KIAA1217: variants seen among roughly 807,000 people sequenced by gnomAD.
KIAA1217 encodes the protein KIAA1217, also known as sickle tail protein homolog.
Under a neutral mutation model 163.9 loss-of-function variants are expected in KIAA1217, and 88 were observed. The observed-to-expected ratio is 0.54, with a 90% CI of 0.45 to 0.64. The LOEUF is 0.64. Ranked by LOEUF, KIAA1217 falls within the 30% of genes least tolerant of loss-of-function variation. The pLI is 0.00. For missense variants in KIAA1217, 2,372 were observed against 2,475.0 expected, an observed-to-expected ratio of 0.96 and a Z score of 0.88; for synonymous variants, 903 against 923.1, an observed-to-expected ratio of 0.98 and a Z score of 0.39.
chr10:23,959,911 CTTTTTTTTTTT>C (rs1326171008), intron 1 of KIAA1217, among the ~76,000 whole-genome samples: 1 of 106,266 alleles, frequency 9.4e-6, no homozygotes, highest in Admixed American at 1.0e-4. Context: ...TCATAGACTT[CTTTTTTTTTTT>C]TTTTTTTTTT....
intron 1 of KIAA1217, among the ~76,000 whole-genome samples, chr10:23,943,136 A>G (rs1843856276): frequency 6.6e-6 from 1 of 152,138 alleles, no homozygotes; most frequent in African/African-American, 2.4e-5. Flanking sequence ...AATTTAAAAA[A>G]AAGAAAATTC....
intron 3 of KIAA1217, among the ~76,000 whole-genome samples, chr10:24,426,579 C>A (rs911243605): frequency 6.6e-6 from 1 of 151,912 alleles, no homozygotes; most frequent in Non-Finnish European, 1.5e-5. Flanking sequence ...GAGCCGAGAT[C>A]GCACCATTGC....
At chr10:23,978,546 T>C (rs1845635155) in intron 1 of KIAA1217, among the ~76,000 whole-genome samples, 5 of 152,288 alleles carry the variant, frequency 3.3e-5, no homozygotes, top group African/African-American at 1.2e-4. Context: ...GGCCCTTTCC[T>C]GTCAGTTTCT....
intron 2 of KIAA1217, among the ~76,000 whole-genome samples, chr10:24,229,742 C>T (rs2071106812): frequency 6.6e-6 from 1 of 152,176 alleles, no homozygotes; most frequent in African/African-American, 2.4e-5. Flanking sequence ...TGGTCTCAAA[C>T]TCCTGACCTT....
At chr10:24,023,466 A>G (rs554118517) in intron 2 of KIAA1217, among the ~76,000 whole-genome samples, 1 of 151,788 alleles carries the variant, frequency 6.6e-6, no homozygotes, top group South Asian at 2.1e-4. Context: ...TCAACCAAAC[A>G]TGGATAGAAA....
intron 1 of KIAA1217, among the ~76,000 whole-genome samples, chr10:23,992,063 C>T (rs575101219): frequency 6.6e-6 from 1 of 152,246 alleles, no homozygotes; most frequent in East Asian, 1.9e-4. Context: ...ATTTTATGGG[C>T]TCTCTTCTGG....
intron 1 of KIAA1217, among the ~76,000 whole-genome samples, chr10:23,843,069 A>G (rs1288611118): frequency 6.6e-6 from 1 of 152,178 alleles, no homozygotes; most frequent in African/African-American, 2.4e-5. Context: ...GTGAAGTGGA[A>G]TCACTTCTCA....
At chr10:23,860,358 T>G (rs1190901014) in intron 1 of KIAA1217, among the ~76,000 whole-genome samples, 4 of 151,988 alleles carry the variant, frequency 2.6e-5, no homozygotes, top group Non-Finnish European at 5.9e-5. Context: ...CTAACCTACT[T>G]GGAAACTATT....
At chr10:24,306,851 G>T (rs2042058358) in intron 2 of KIAA1217, among the ~76,000 whole-genome samples, 1 of 152,164 alleles carries the variant, frequency 6.6e-6, no homozygotes, top group South Asian at 2.1e-4. Context: ...CTTAGTATCT[G>T]CTCCTCCTCT....
At chr10:24,177,361 G>GTGTA (rs140769319) in intron 2 of KIAA1217, among the ~76,000 whole-genome samples, 3 of 129,230 alleles carry the variant, frequency 2.3e-5, no homozygotes, top group African/African-American at 5.9e-5. Flanking sequence ...TATCATATGT[G>GTGTA]TATATATATA....
intron 1 of KIAA1217, among the ~76,000 whole-genome samples, chr10:23,788,401 C>T (rs1162676495): frequency 6.6e-6 from 1 of 152,154 alleles, no homozygotes; most frequent in Non-Finnish European, 1.5e-5. Flanking sequence ...TACTCAGCCT[C>T]TTGGGGCTAA....
chr10:23,740,826 G>A (rs1839067966), intron 1 of KIAA1217, among the ~76,000 whole-genome samples: 1 of 152,108 alleles, frequency 6.6e-6, no homozygotes, highest in Non-Finnish European at 1.5e-5. Flanking sequence ...TACTTGGGAG[G>A]CTGAAGCAGG....
At chr10:24,251,528 T>A (rs550398607) in intron 2 of KIAA1217, among the ~76,000 whole-genome samples, 3 of 151,590 alleles carry the variant, frequency 2.0e-5, no homozygotes, top group African/African-American at 7.3e-5. Context: ...ATTTCTTACA[T>A]CCTGATTTTA....
At chr10:24,352,116 C>T (rs1163501435) in intron 2 of KIAA1217, among the ~76,000 whole-genome samples, 1 of 152,230 alleles carries the variant, frequency 6.6e-6, no homozygotes, top group Admixed American at 6.5e-5. Context: ...CCAAGTGAAG[C>T]CTGCCTTTCC....
intron 2 of KIAA1217, chr10:24,239,313 C>T: frequency 1.0e-6 from 1 of 985,234 alleles, no homozygotes; most frequent in Non-Finnish European, 1.2e-6. Flanking sequence ...TAACTGCCGC[C>T]TCACCTGTGG....
At chr10:24,304,338 A>AT (rs1353209767) in intron 2 of KIAA1217, among the ~76,000 whole-genome samples, 52 of 151,346 alleles carry the variant, frequency 3.4e-4, no homozygotes, top group Non-Finnish European at 4.1e-4. Flanking sequence ...CTTTATTTAA[A>AT]TTTTTTTAAC....
chr10:23,820,315 T>C (rs1837560595), intron 1 of KIAA1217, among the ~76,000 whole-genome samples: 2 of 152,196 alleles, frequency 1.3e-5, no homozygotes, highest in Admixed American at 6.5e-5. Flanking sequence ...CAGAACTCTT[T>C]TAAAATTCCA....
At chr10:23,983,828 C>T (rs1589184965) in intron 1 of KIAA1217, among the ~76,000 whole-genome samples, 1 of 152,190 alleles carries the variant, frequency 6.6e-6, no homozygotes. Context: ...GGATCCAAGT[C>T]CTGAATCTCA....
chr10:23,826,504 G>T (rs1837906544), intron 1 of KIAA1217, among the ~76,000 whole-genome samples: 1 of 152,176 alleles, frequency 6.6e-6, no homozygotes, highest in Non-Finnish European at 1.5e-5. Flanking sequence ...AAAGAAAACA[G>T]CCTTGACTGG....
Sources: allele counts gnomAD v4.1 joint callset (sites outside exome capture counted in the v4.1 genomes callset), GRCh38; gene constraint gnomAD v4.1.1; transcripts MANE v1.5; gene names NCBI Gene and HGNC (gene_info 2026-07-23, HGNC 2026-07-21).